MLLT10: variants seen among roughly 807,000 people sequenced by gnomAD.
MLLT10 encodes the protein protein AF-10.
MLLT10 carries 30 observed loss-of-function variants against 129.1 expected under a neutral mutation model. The observed-to-expected ratio is 0.23, with a 90% CI of 0.17 to 0.32. The LOEUF is 0.32. Among genes scored for constraint, MLLT10 ranks in the 10% least tolerant of loss-of-function variants. The pLI is 1.00. For synonymous variants in MLLT10, 490 were observed against 446.4 expected (o/e 1.10, Z -1.23); for missense variants, 1,119 against 1,268.3 (o/e 0.88, Z 1.79).
intron 13 of MLLT10, among the ~76,000 whole-genome samples, chr10:21,699,182 G>A (rs1333175387): frequency 6.6e-6 from 1 of 151,098 alleles, no homozygotes; most frequent in African/African-American, 2.4e-5. Flanking sequence ...GCATTTGTAT[G>A]TTATCTTTTG....
chr10:21,658,046 G>C (rs563227984), intron 9 of MLLT10, among the ~76,000 whole-genome samples: 63 of 152,094 alleles, frequency 4.1e-4, no homozygotes, highest in African/African-American at 1.5e-3. Context: ...TAAAAGTTAA[G>C]CTTTTTTAAA....
intron 9 of MLLT10, among the ~76,000 whole-genome samples, chr10:21,656,606 A>G (rs1190268544): frequency 6.6e-6 from 1 of 152,136 alleles, no homozygotes. Flanking sequence ...TCTGTGACTA[A>G]CCTTTAACCC....
intron 9 of MLLT10, among the ~76,000 whole-genome samples, chr10:21,664,472 T>C (rs113122157): frequency 6.6e-6 from 1 of 151,916 alleles, no homozygotes; most frequent in Non-Finnish European, 1.5e-5. Context: ...AATTTTTGTA[T>C]TTTTAGTAGG....
In MLLT10 at chr10:21,609,936, A is replaced by G. The variant is rs574514554; in HGVS notation, c.406-2412A>G. On this transcript the variant is annotated intron_variant, in intron 5 of 22. Coordinates refer to ENST00000307729, the MANE Select transcript of MLLT10 (RefSeq NM_001195626.3). ...TGTGAATTCTCCATTATTTTTGACA[A>G]AAACCTTAAGCATGAACTCTAAGCC... Among the ~76,000 whole-genome samples the G allele has an allele frequency of 3.3e-3, 509 of 152,254 alleles. 2 individuals carry two copies. Among genetic ancestry groups the G allele is most frequent in the Middle Eastern group, 0.01 (3 of 294 alleles).
chr10:21,701,685 C>T (rs1278585449), intron 13 of MLLT10, among the ~76,000 whole-genome samples: 1 of 152,060 alleles, frequency 6.6e-6, no homozygotes, highest in African/African-American at 2.4e-5. Context: ...CTCCTGGGGT[C>T]CAGCAATTCT....
At chr10:21,595,729 C>T in intron 5 of MLLT10, 1 of 273,704 alleles carries the variant, frequency 3.7e-6, no homozygotes. Context: ...TTACTGACCT[C>T]TTTTGCGCTT....
rs2039764738 is a variant in MLLT10 at position 21,567,846 on chromosome 10, GTC to G, written c.241-18440_241-18439del. ...CTTTTTTTTTTTTTTTTGAGACAGA[GTC>G]TCTCTCTGTCACCCAGGCTGGAGTG... On this transcript the variant is annotated intron_variant, in intron 3 of 22. Coordinates refer to ENST00000307729, the MANE Select transcript of MLLT10 (RefSeq NM_001195626.3). Among the ~76,000 whole-genome samples the G allele has an allele frequency of 4.7e-5, 7 of 149,192 alleles. No homozygotes were observed. In the South Asian group the frequency reaches 1.5e-3, roughly 32 times the overall value.
At chr10:21,607,038 C>T (rs756422000) in intron 5 of MLLT10, among the ~76,000 whole-genome samples, 3 of 152,092 alleles carry the variant, frequency 2.0e-5, no homozygotes, top group Non-Finnish European at 4.4e-5. Context: ...AGTAGGATTG[C>T]TTGAAGCCAG....
chr10:21,628,051 G>A (rs2046628579), intron 8 of MLLT10, among the ~76,000 whole-genome samples: 1 of 152,176 alleles, frequency 6.6e-6, no homozygotes, highest in Non-Finnish European at 1.5e-5. Context: ...TTTAGTAGCA[G>A]CCTGCTAAGG....
At chr10:21,681,184 C>T in intron 11 of MLLT10, 148 bp from the exon 12 acceptor site, 1 of 857,512 alleles carries the variant, frequency 1.2e-6, no homozygotes, top group East Asian at 2.5e-5. Flanking sequence ...CAATTATTAG[C>T]TTATAATTTT....
intron 4 of MLLT10, among the ~76,000 whole-genome samples, chr10:21,591,847 A>T (rs1462708042): frequency 6.6e-6 from 1 of 151,872 alleles, no homozygotes; most frequent in East Asian, 1.9e-4. Flanking sequence ...CAGCCTCCTG[A>T]GTAGCTGGGA....
intron 4 of MLLT10, among the ~76,000 whole-genome samples, chr10:21,595,094 T>C (rs1210098722): frequency 6.6e-6 from 1 of 152,206 alleles, no homozygotes; most frequent in Non-Finnish European, 1.5e-5. Context: ...AATTTATAAA[T>C]GTTTCCCTTT....
At chr10:21,554,942 C>T (rs2037682689) in intron 3 of MLLT10, among the ~76,000 whole-genome samples, 1 of 151,928 alleles carries the variant, frequency 6.6e-6, no homozygotes, top group East Asian at 1.9e-4. Flanking sequence ...AGGCCTCAGC[C>T]TCCCGAGTAC....
intron 9 of MLLT10, among the ~76,000 whole-genome samples, chr10:21,669,919 TTC>T (rs953899776): frequency 8.5e-5 from 13 of 152,092 alleles, no homozygotes; most frequent in Admixed American, 3.3e-4. Context: ...TTTCAAATCT[TTC>T]TGTTTTTTTT....
chr10:21,654,861 G>A (rs1053540078), intron 9 of MLLT10, among the ~76,000 whole-genome samples: 1 of 152,112 alleles, frequency 6.6e-6, no homozygotes. Context: ...ACTGGTTCAT[G>A]GTTTCTGGTG....
At chr10:21,601,484 T>C (rs1380546731) in intron 5 of MLLT10, among the ~76,000 whole-genome samples, 1 of 152,208 alleles carries the variant, frequency 6.6e-6, no homozygotes, top group East Asian at 1.9e-4. Context: ...AAATCTGTAA[T>C]CTCACTCACC....
At chr10:21,738,348 T>TA (rs2058551163) in intron 21 of MLLT10, 1 of 1,235,294 alleles carries the variant, frequency 8.1e-7, no homozygotes, top group Non-Finnish European at 1.1e-6. Context: ...ATATGAGCAC[T>TA]AAAACTCCAT....
At chr10:21,577,920 G>C (rs2040961709) in intron 3 of MLLT10, among the ~76,000 whole-genome samples, 1 of 151,862 alleles carries the variant, frequency 6.6e-6, no homozygotes, top group Non-Finnish European at 1.5e-5. Flanking sequence ...TTTAGACAGA[G>C]TCTCACTCTG....
Position 21,538,920 on chromosome 10 carries a change from C to T in MLLT10, c.240+8C>T, listed in dbSNP as rs751089905. The T allele has an allele frequency of 1.7e-5, 27 of 1,604,698 alleles. No homozygotes were observed. The highest frequency in any genetic ancestry group is 2.2e-5 in the Non-Finnish European group (26 of 1,172,268). On this transcript the variant is annotated splice_region_variant and intron_variant, in intron 3 of 22. Transcript: ENST00000307729. ...GAGAGAGCAGCCAGAGTGGTAAGGA[C>T]TATTTATCAAAAACATTAAACTTTA...
Sources: gnomAD v4.1 joint callset for allele counts (sites outside exome capture counted in the v4.1 genomes callset) on GRCh38, gnomAD v4.1.1 for gene constraint, MANE v1.5 for transcripts, NCBI Gene and HGNC (gene_info 2026-07-23, HGNC 2026-07-21) for gene names.